PABPN1: variants seen among roughly 807,000 people sequenced by gnomAD.
The protein encoded by PABPN1 is poly(A) binding protein nuclear 1, also known as polyadenylate-binding protein 2.
In PABPN1, 5 loss-of-function variants were observed where a neutral mutation model predicts 33.4. The ratio of observed to expected loss-of-function variants is 0.15; its 90% CI spans 0.08 to 0.32. PABPN1 has a LOEUF of 0.32. PABPN1 is among the 10% of genes least tolerant of loss of function. PABPN1 has a pLI of 1.00. For missense variants in PABPN1, 312 were observed against 425.8 expected (o/e 0.73, Z 2.35); for synonymous variants, 176 against 170.6 (o/e 1.03, Z -0.25).
At chr14:23,322,880 A>G in intron 2 of PABPN1, 119 bp from the exon 3 acceptor site, 1 of 1,393,354 alleles carries the variant, frequency 7.2e-7, no homozygotes, top group East Asian at 2.3e-5. Context: ...GGAACAGCAC[A>G]GACCAAAATC....
intron 6 of PABPN1, 103 bp from the exon 7 acceptor site, chr14:23,325,144 C>A (rs976036352): frequency 6.6e-7 from 1 of 1,513,970 alleles, no homozygotes; most frequent in African/African-American, 1.4e-5. Context: ...ACTTCTTTTC[C>A]CCCCTTCCCT....
At position 23,325,506 on chromosome 14, in the gene PABPN1, G is replaced by A. The variant is rs530033115; in HGVS notation, c.*220G>A. 2 of 600,920 alleles carry A rather than the reference G, an allele frequency of 3.3e-6. No individual in the cohort carries two copies. The highest frequency in any genetic ancestry group is 2.9e-5 in the East Asian group (1 of 34,744). The allele number at this position is 600,920 out of a possible 1,614,324, so 37.2% of individuals were successfully genotyped here. On this transcript the variant is annotated 3_prime_UTR_variant, in exon 7 of 7. Transcript: ENST00000216727. The stretch of plus-strand genomic sequence containing the variant: ...GGAAGGCCCAGGGAGTGGGGCAGGG[G>A]GCTGCTTATTCACTCTGGGGATTCG...
At position 23,324,557 on chromosome 14, in the gene PABPN1, G is replaced by C. The variant is rs1408317407; in HGVS notation, c.881+268G>C. 4 of 590,432 alleles carry C rather than the reference G, an allele frequency of 6.8e-6. No individual in the cohort carries two copies. The East Asian group carries it at 1.1e-4, about 17-fold the overall frequency. The allele number at this position is 590,432 out of a possible 1,614,324, so 36.6% of individuals were successfully genotyped here. On this transcript the variant is annotated intron_variant, in intron 6 of 6. Coordinates refer to ENST00000216727, the MANE Select transcript of PABPN1 (RefSeq NM_004643.4). ...CCACCCCCAGCCTTTTTTTTCTTGG[G>C]AGTTGGTGGCATTTGAAGGTGTTTG...
chr14:23,323,383 T>A lies in PABPN1; in HGVS notation c.541T>A (p.Tyr181Asn). ...ARSIYVGNVD[Y>N]GATAEELEAH... ...ATTTTTCTCCTCTCATCAGGTGGACTATGGTGCAACAGCAGAAGAGCTGGA... is the reference window on the plus strand; with the variant it reads ...ATTTTTCTCCTCTCATCAGGTGGACAATGGTGCAACAGCAGAAGAGCTGGA... Residue 181 changes from tyrosine (Y) to asparagine (N), a missense_variant, in exon 4 of 7, where the codon TAT becomes AAT. This residue lies in a region of PABPN1 where 77 missense variants were observed against 185.7 expected (regional missense o/e 0.41). Coordinates refer to ENST00000216727, the MANE Select transcript of PABPN1 (RefSeq NM_004643.4). 1 of 1,613,250 alleles carries A rather than the reference T, an allele frequency of 6.2e-7. No individual in the cohort carries two copies. The highest frequency in any genetic ancestry group is 8.5e-7 in the Non-Finnish European group (1 of 1,179,904).
At chr14:23,322,464 C>A in intron 2 of PABPN1, 169 bp downstream of exon 2, 1 of 677,756 alleles carries the variant, frequency 1.5e-6, no homozygotes, top group Non-Finnish European at 2.7e-6. Flanking sequence ...CTTTGTGAGG[C>A]AGAACGTATA....
Position 23,321,827 on chromosome 14 carries a change from G to A in PABPN1, c.351+7G>A. 6.8e-7 allele frequency: 1 copy of A among 1,465,228 alleles called. No homozygotes were observed. The highest frequency in any genetic ancestry group is 9.0e-7 in the Non-Finnish European group (1 of 1,108,802). 90.8% of individuals were successfully genotyped at this position (1,465,228 alleles called of 1,614,324 possible). A position where few individuals can be genotyped will look rare whatever the true frequency, so the allele number is the denominator to read the frequency against. On this transcript the variant is annotated splice_region_variant and intron_variant, in intron 1 of 6. Transcript: ENST00000216727. Reference sequence around the variant, plus strand: ...CGGCGCCATTGAGGACCCGGTGAGGGAAGGAGGGCGAGCGAGCAGGCCGGC... The same window carrying A: ...CGGCGCCATTGAGGACCCGGTGAGGAAAGGAGGGCGAGCGAGCAGGCCGGC...
chr14:23,324,405 T>A, intron 6 of PABPN1, 116 bp downstream of exon 6: 4 of 1,222,350 alleles, frequency 3.3e-6, no homozygotes, highest in Middle Eastern at 2.1e-4. Flanking sequence ...CTTCAGGAAC[T>A]TTGTCTCCTG....
In PABPN1 at chr14:23,321,757, A is replaced by AGAG. The variant is rs752906526; in HGVS notation, c.301_303dup (p.Glu101dup). 8 of 1,537,000 alleles carry AGAG rather than the reference A, an allele frequency of 5.2e-6. No homozygotes were observed. The highest frequency in any genetic ancestry group is 2.4e-5 in the South Asian group (2 of 82,820). ...CTGGTTCGGGAGCCCCCGGCAGCCA[A>AGAG]GAGGAGGAGGAGGAGCCGGGACTGG... On this transcript the variant is annotated inframe_insertion, in exon 1 of 7. Transcript: ENST00000216727.
Position 23,323,376 on chromosome 14 carries a change from G to T in PABPN1, c.535-1G>T. The T allele has an allele frequency of 6.2e-7, 1 of 1,613,018 alleles. No individual in the cohort carries two copies. The highest frequency in any genetic ancestry group is 8.5e-7 in the Non-Finnish European group (1 of 1,179,926). ...CTGTGAAATTTTTCTCCTCTCATCA[G>T]GTGGACTATGGTGCAACAGCAGAAG... On this transcript the variant is annotated splice_acceptor_variant, in intron 3 of 6. Coordinates refer to ENST00000216727, the MANE Select transcript of PABPN1 (RefSeq NM_004643.4). LOFTEE classifies it high-confidence loss of function.
chr14:23,324,323 C>T (rs777415404), intron 6 of PABPN1, 34 bp downstream of exon 6: 9 of 1,606,600 alleles, frequency 5.6e-6, no homozygotes, highest in South Asian at 4.4e-5. Flanking sequence ...CTTTCCCCCG[C>T]CTCCCGTGAG....
chr14:23,321,860 C>T, intron 1 of PABPN1, 40 bp downstream of exon 1: 4 of 1,279,872 alleles, frequency 3.1e-6, no homozygotes, highest in South Asian at 3.1e-5. Context: ...GGCGGCTGGC[C>T]GGCCGGGTCA....
Position 23,325,263 on chromosome 14 carries a change from ACAT to A in PABPN1, c.902_904del (p.Ser301del). 2 of 1,613,160 alleles carry A rather than the reference ACAT, an allele frequency of 1.2e-6. No homozygotes were observed. Among genetic ancestry groups the A allele is most frequent in the Non-Finnish European group, 1.7e-6 (2 of 1,179,848 alleles). On this transcript the variant is annotated inframe_deletion, in exon 7 of 7. Coordinates refer to ENST00000216727, the MANE Select transcript of PABPN1 (RefSeq NM_004643.4). ...TTCTTCCAGGGGCCGGGCTAGAGCGACATCATGGTATTCCCCTTACTAAAAAAA... is the reference window on the plus strand; with the variant it reads ...TTCTTCCAGGGGCCGGGCTAGAGCGACATGGTATTCCCCTTACTAAAAAAA...
Position 23,325,663 on chromosome 14 carries a change from G to T in PABPN1, c.*377G>T, listed in dbSNP as rs1213269335. 9.3e-6 allele frequency: 2 copies of T among 215,730 alleles called. No homozygotes were observed. Among genetic ancestry groups the T allele is most frequent in the East Asian group, 1.1e-4 (1 of 8,894 alleles). The allele number at this position is 215,730 out of a possible 1,614,324, so 13.4% of individuals were successfully genotyped here. A position where few individuals can be genotyped will look rare whatever the true frequency, so the allele number is the denominator to read the frequency against. On this transcript the variant is annotated 3_prime_UTR_variant, in exon 7 of 7. Coordinates refer to ENST00000216727, the MANE Select transcript of PABPN1 (RefSeq NM_004643.4). The stretch of plus-strand genomic sequence containing the variant: ...TTTTTTTTACCCAGGGCTCTGGAAG[G>T]ACACCAAACTGTTCTGCTTGTTACC...
chr14:23,321,983 G>A, intron 1 of PABPN1, 163 bp downstream of exon 1: 1 of 777,166 alleles, frequency 1.3e-6, no homozygotes, highest in Admixed American at 2.6e-5. Flanking sequence ...CACTACAAGG[G>A]GCCCGACTGG....
Position 23,322,691 on chromosome 14 carries a change from C to T in PABPN1, c.467-308C>T, listed in dbSNP as rs577443395. ...TAATCTAGAAATGTGGAGTCTCAGCCCACTTAATTTTGCTCACTCTTAAAA... is the reference window on the plus strand; with the variant it reads ...TAATCTAGAAATGTGGAGTCTCAGCTCACTTAATTTTGCTCACTCTTAAAA... On this transcript the variant is annotated intron_variant, in intron 2 of 6. Transcript: ENST00000216727. 434 of 478,164 alleles carry T rather than the reference C, an allele frequency of 9.1e-4. 5 individuals are homozygous for T. The South Asian group carries it at 9.5e-3, about 10-fold the overall frequency. 29.6% of individuals were successfully genotyped at this position (478,164 alleles called of 1,614,324 possible).
chr14:23,324,885 A>G (rs1316264939), intron 6 of PABPN1: 4 of 268,800 alleles, frequency 1.5e-5, no homozygotes, highest in East Asian at 1.5e-4. Flanking sequence ...TTGGCTTTTC[A>G]TAAGCTCTAC....
intron 6 of PABPN1, 118 bp downstream of exon 6, chr14:23,324,407 T>G: frequency 1.6e-6 from 2 of 1,217,904 alleles, no homozygotes; most frequent in Non-Finnish European, 2.3e-6. Context: ...TCAGGAACTT[T>G]GTCTCCTGCC....
At position 23,324,020 on chromosome 14, in the gene PABPN1, G is replaced by A; in HGVS notation, c.697G>A (p.Asp233Asn). The stretch of plus-strand genomic sequence containing the variant: ...GTCAGTGAGGACTTCCTTGGCCTTA[G>A]ATGAGTCCCTATTTAGAGGAAGGCA... ...KESVRTSLAL[D>N]ESLFRGRQIK... Residue 233 changes from aspartate (D) to asparagine (N), a missense_variant, in exon 5 of 7, where the codon GAT (aspartate) becomes AAT (asparagine). Around this residue, in one of 3 missense-constraint regions of PABPN1, gnomAD observed 77 missense variants for 185.7 expected, o/e 0.41. Coordinates refer to ENST00000216727, the MANE Select transcript of PABPN1 (RefSeq NM_004643.4). 1 of 1,614,138 alleles carries A rather than the reference G, an allele frequency of 6.2e-7. No homozygotes were observed. Among genetic ancestry groups the A allele is most frequent in the Non-Finnish European group, 8.5e-7 (1 of 1,180,008 alleles).
intron 4 of PABPN1, 71 bp from the exon 5 acceptor site, chr14:23,323,894 A>G: frequency 3.3e-6 from 5 of 1,511,560 alleles, no homozygotes; most frequent in Non-Finnish European, 4.6e-6. Context: ...AAAACGAAGC[A>G]TGCCTGCAGG....
Sources: gnomAD v4.1 joint callset for allele counts on GRCh38, gnomAD v4.1.1 for gene constraint, gnomAD v4.1.1 regional missense constraint, MANE v1.5 for transcripts, NCBI Gene and HGNC (gene_info 2026-07-23, HGNC 2026-07-21) for gene names.